Variants in CADPS2 observed in about 807,000 individuals in gnomAD.
CADPS2 encodes the protein calcium dependent secretion activator 2.
CADPS2 carries 93 observed loss-of-function variants against 172.5 expected under a neutral mutation model. That is an observed-to-expected ratio of 0.54 (90% confidence interval 0.46 to 0.64). The LOEUF is 0.64. Ranked by LOEUF, CADPS2 falls within the 30% of genes least tolerant of loss-of-function variation. CADPS2 has a pLI of 0.00. For synonymous variants in CADPS2, 546 were observed against 555.2 expected, an observed-to-expected ratio of 0.98 and a Z score of 0.23; for missense variants, 1,420 against 1,565.9, an observed-to-expected ratio of 0.91 and a Z score of 1.57.
At chr7:122,789,834 G>A (rs998463610) in intron 1 of CADPS2, among the ~76,000 whole-genome samples, 1 of 152,096 alleles carries the variant, frequency 6.6e-6, no homozygotes. Context: ...GCCATTCTGA[G>A]AGATGAAGAG....
At chr7:122,451,316 A>G in intron 15 of CADPS2, 58 bp downstream of exon 15, 2 of 866,826 alleles carry the variant, frequency 2.3e-6, no homozygotes, top group Non-Finnish European at 1.6e-6. Context: ...TTTTTGGGGG[A>G]AGTAAGGGTT....
intron 9 of CADPS2, among the ~76,000 whole-genome samples, chr7:122,499,813 T>C (rs1563519277): frequency 6.6e-6 from 1 of 151,932 alleles, no homozygotes; most frequent in East Asian, 1.9e-4. Context: ...CATCAACTAT[T>C]GAAATAATAG....
chr7:122,583,348 G>A (rs1046214773), intron 6 of CADPS2, among the ~76,000 whole-genome samples: 27 of 151,814 alleles, frequency 1.8e-4, no homozygotes, highest in African/African-American at 6.0e-4. Flanking sequence ...AGAACATTAG[G>A]AAAGCCCTTG....
intron 1 of CADPS2, among the ~76,000 whole-genome samples, chr7:122,878,214 C>T (rs557846651): frequency 1.1e-4 from 16 of 145,886 alleles, no homozygotes; most frequent in African/African-American, 3.3e-4. Flanking sequence ...GAGCCGAGAT[C>T]GCGCCACTGC....
chr7:122,502,840 T>A (rs892535157), intron 9 of CADPS2, among the ~76,000 whole-genome samples: 17 of 152,104 alleles, frequency 1.1e-4, no homozygotes, highest in African/African-American at 4.1e-4. Context: ...TGTTCAGCAA[T>A]GTGAACTGTA....
intron 17 of CADPS2, among the ~76,000 whole-genome samples, chr7:122,425,041 G>A (rs1363561773): frequency 7.2e-5 from 11 of 152,010 alleles, no homozygotes; most frequent in Non-Finnish European, 1.3e-4. Context: ...GTGCAGTGGC[G>A]TGATCATGTC....
At chr7:122,669,779 C>A (rs907172041) in intron 2 of CADPS2, among the ~76,000 whole-genome samples, 3 of 152,050 alleles carry the variant, frequency 2.0e-5, no homozygotes, top group African/African-American at 7.2e-5. Context: ...TTAAGCTCCA[C>A]ATTTAGATCT....
intron 6 of CADPS2, among the ~76,000 whole-genome samples, chr7:122,610,323 T>TA (rs11459230): frequency 0.19 from 29,267 of 150,228 alleles, 3,580 homozygotes; most frequent in Non-Finnish European, 0.28. Context: ...TTACTATTTG[T>TA]AAAAAAAAAG....
intron 9 of CADPS2, among the ~76,000 whole-genome samples, chr7:122,498,055 C>A (rs1157616580): frequency 6.6e-6 from 1 of 152,158 alleles, no homozygotes; most frequent in African/African-American, 2.4e-5. Context: ...TCAAGCCATT[C>A]TTGTGCCTCA....
At chr7:122,653,945 A>G (rs1281404934) in intron 3 of CADPS2, among the ~76,000 whole-genome samples, 1 of 152,208 alleles carries the variant, frequency 6.6e-6, no homozygotes, top group Non-Finnish European at 1.5e-5. Context: ...AAATAGGCCA[A>G]TTAATAACCC....
chr7:122,364,230 G>C (rs2151172899), intron 25 of CADPS2, among the ~76,000 whole-genome samples: 1 of 151,888 alleles, frequency 6.6e-6, no homozygotes, highest in South Asian at 2.1e-4. Flanking sequence ...GGACAACATA[G>C]CAAGATCCTG....
intron 5 of CADPS2, among the ~76,000 whole-genome samples, chr7:122,618,693 T>C (rs2075246864): frequency 6.6e-6 from 1 of 152,214 alleles, no homozygotes; most frequent in Non-Finnish European, 1.5e-5. Flanking sequence ...CAGAGTCTTC[T>C]TAGGCTGAAA....
intron 3 of CADPS2, among the ~76,000 whole-genome samples, chr7:122,632,360 A>G (rs1245620726): frequency 6.6e-6 from 1 of 152,184 alleles, no homozygotes; most frequent in East Asian, 1.9e-4. Context: ...CAGCCTCACC[A>G]ACATCTGTTG....
intron 1 of CADPS2, among the ~76,000 whole-genome samples, chr7:122,799,469 G>T (rs976506438): frequency 6.6e-6 from 1 of 151,954 alleles, no homozygotes; most frequent in Non-Finnish European, 1.5e-5. Context: ...CGGGCGTGGT[G>T]GTGGGCGCCT....
At chr7:122,454,534 G>A (rs2152060342) in intron 14 of CADPS2, among the ~76,000 whole-genome samples, 1 of 152,222 alleles carries the variant, frequency 6.6e-6, no homozygotes, top group East Asian at 1.9e-4. Context: ...CCTTACATTA[G>A]ACATTTTCTA....
chr7:122,677,561 AG>A (rs1421203063), intron 2 of CADPS2, among the ~76,000 whole-genome samples: 2 of 152,238 alleles, frequency 1.3e-5, no homozygotes, highest in African/African-American at 4.8e-5. Flanking sequence ...TTTTGCAAAT[AG>A]CTAAAATTTA....
At chr7:122,513,108 A>G (rs774845778) in intron 9 of CADPS2, 141 bp downstream of exon 9, 15 of 600,106 alleles carry the variant, frequency 2.5e-5, no homozygotes, top group Non-Finnish European at 4.1e-5. Flanking sequence ...TTAGCATGTA[A>G]TGAATGTACT....
At chr7:122,628,772 G>A (rs2076307276) in intron 4 of CADPS2, among the ~76,000 whole-genome samples, 1 of 146,126 alleles carries the variant, frequency 6.8e-6, no homozygotes, top group Non-Finnish European at 1.5e-5. Flanking sequence ...CACTTCATCT[G>A]CCAGATTGCA....
intron 8 of CADPS2, among the ~76,000 whole-genome samples, chr7:122,532,203 T>C (rs1320969412): frequency 6.6e-6 from 1 of 152,132 alleles, no homozygotes; most frequent in African/African-American, 2.4e-5. Flanking sequence ...TTGTTCCTTT[T>C]TGAGGAGGAG....
Sources: gnomAD v4.1 joint callset for allele counts (sites outside exome capture counted in the v4.1 genomes callset) on GRCh38, gnomAD v4.1.1 for gene constraint, MANE v1.5 for transcripts, NCBI Gene and HGNC (gene_info 2026-07-23, HGNC 2026-07-21) for gene names.